Variants in GPR39 observed in about 807,000 individuals in gnomAD.
GPR39 encodes G protein-coupled receptor 39, also known as zinc sensing receptor.
Under a neutral mutation model 18.4 loss-of-function variants are expected in GPR39, and 23 were observed. The ratio of observed to expected loss-of-function variants is 1.25; its 90% CI spans 0.90 to 1.77. The LOEUF (loss-of-function observed/expected upper bound fraction) is 1.77, where lower values mean the gene tolerates loss of function less well. Ranked by LOEUF, GPR39 falls within the 40% of genes most tolerant of loss-of-function variation. The pLI is 0.00. For synonymous variants in GPR39, 280 were observed against 257.9 expected (o/e 1.09, Z -0.82); for missense variants, 647 against 602.4 (o/e 1.07, Z -0.78).
At chr2:132,611,233 G>A (rs1210406699) in intron 1 of GPR39, among the ~76,000 whole-genome samples, 12 of 152,296 alleles carry the variant, frequency 7.9e-5, no homozygotes, top group East Asian at 3.9e-4. Flanking sequence ...ACTGTCTGAC[G>A]TTTCTTTGCT....
At chr2:132,637,710 A>G (rs1191836459) in intron 1 of GPR39, among the ~76,000 whole-genome samples, 1 of 152,214 alleles carries the variant, frequency 6.6e-6, no homozygotes, top group Non-Finnish European at 1.5e-5. Context: ...GTCAGAGGAC[A>G]TGGTACCTGG....
At chr2:132,456,778 C>T (rs1251373518) in intron 1 of GPR39, among the ~76,000 whole-genome samples, 1 of 152,152 alleles carries the variant, frequency 6.6e-6, no homozygotes, top group Non-Finnish European at 1.5e-5. Flanking sequence ...GTTGAAAATT[C>T]TTTTCTTTAA....
At chr2:132,632,823 T>C (rs1681674895) in intron 1 of GPR39, among the ~76,000 whole-genome samples, 1 of 152,190 alleles carries the variant, frequency 6.6e-6, no homozygotes, top group Admixed American at 6.5e-5. Context: ...GGGCAGATGA[T>C]TGGATTGTCT....
intron 1 of GPR39, among the ~76,000 whole-genome samples, chr2:132,429,342 GA>G (rs1680184444): frequency 6.6e-6 from 1 of 152,226 alleles, no homozygotes. Flanking sequence ...CAGTGTCAGG[GA>G]GGCAAGAAAT....
intron 1 of GPR39, among the ~76,000 whole-genome samples, chr2:132,574,964 C>G (rs1680504564): frequency 6.6e-6 from 1 of 152,086 alleles, no homozygotes. Context: ...CTGAAAGCAC[C>G]CATTATTACC....
intron 1 of GPR39, among the ~76,000 whole-genome samples, chr2:132,596,257 A>G (rs1277132569): frequency 2.0e-5 from 3 of 152,022 alleles, no homozygotes; most frequent in Non-Finnish European, 4.4e-5. Flanking sequence ...CAATTGCATT[A>G]GTTTTTGCTC....
chr2:132,472,743 A>G (rs1298316207), intron 1 of GPR39, among the ~76,000 whole-genome samples: 1 of 152,142 alleles, frequency 6.6e-6, no homozygotes, highest in Non-Finnish European at 1.5e-5. Flanking sequence ...CTTTAATCAT[A>G]TAATGGATTG....
rs1679915754 is a variant in GPR39 at position 132,417,098 on chromosome 2, A to G, written c.56A>G (p.His19Arg). 2 of 1,614,160 alleles carry G rather than the reference A, an allele frequency of 1.2e-6. No homozygotes were observed. The highest frequency in any genetic ancestry group is 8.5e-7 in the Non-Finnish European group (1 of 1,180,036). The change falls in exon 1 of 2, where the codon CAT becomes CGT. Residue 19 changes from histidine to arginine, a missense_variant. Coordinates refer to ENST00000329321, the MANE Select transcript of GPR39 (RefSeq NM_001508.3). Reference sequence around the variant, plus strand: ...TGCTCCCAAATCATTGATCACAGTCATGTCCCCGAGTTTGAGGTGGCCACC... The same window carrying G: ...TGCTCCCAAATCATTGATCACAGTCGTGTCCCCGAGTTTGAGGTGGCCACC... ...SDCSQIIDHS[H>R]VPEFEVATWI...
intron 1 of GPR39, among the ~76,000 whole-genome samples, chr2:132,481,219 G>GGA (rs1681227498): frequency 6.6e-6 from 1 of 152,208 alleles, no homozygotes; most frequent in Non-Finnish European, 1.5e-5. Flanking sequence ...GGGACCAGAG[G>GGA]TTTACAAATG....
chr2:132,615,137 G>A (rs1399063693), intron 1 of GPR39, among the ~76,000 whole-genome samples: 1 of 152,038 alleles, frequency 6.6e-6, no homozygotes, highest in South Asian at 2.1e-4. Context: ...CAGACACCAC[G>A]GATTTAATTG....
At chr2:132,539,656 T>C (rs116143895) in intron 1 of GPR39, among the ~76,000 whole-genome samples, 15 of 152,246 alleles carry the variant, frequency 9.9e-5, no homozygotes, top group Admixed American at 6.5e-4. Flanking sequence ...GGCCAGGAAT[T>C]TGGGGAGTGC....
chr2:132,545,539 C>T (rs1679931550), intron 1 of GPR39, among the ~76,000 whole-genome samples: 1 of 152,182 alleles, frequency 6.6e-6, no homozygotes, highest in Admixed American at 6.5e-5. Flanking sequence ...CAAACACTTA[C>T]TAATGCTAAG....
intron 1 of GPR39, among the ~76,000 whole-genome samples, chr2:132,489,837 A>G (rs921202585): frequency 6.6e-6 from 1 of 151,976 alleles, no homozygotes; most frequent in Admixed American, 6.6e-5. Flanking sequence ...TATTAAATTT[A>G]TGATCAATTT....
intron 1 of GPR39, among the ~76,000 whole-genome samples, chr2:132,542,401 ACT>A (rs1679876974): frequency 6.6e-6 from 1 of 152,104 alleles, no homozygotes; most frequent in Non-Finnish European, 1.5e-5. Context: ...CCTTGCACAA[ACT>A]CTTTAACTTC....
chr2:132,492,096 A>G (rs2104796042), intron 1 of GPR39, among the ~76,000 whole-genome samples: 1 of 150,186 alleles, frequency 6.7e-6, no homozygotes, highest in South Asian at 2.1e-4. Context: ...CCACATATAT[A>G]TATACATACC....
At chr2:132,631,803 G>T (rs1681653897) in intron 1 of GPR39, among the ~76,000 whole-genome samples, 1 of 151,646 alleles carries the variant, frequency 6.6e-6, no homozygotes, top group East Asian at 1.9e-4. Context: ...CAATTTAAAT[G>T]AAGTTTTTCT....
chr2:132,441,393 TTG>T (rs1553447797), intron 1 of GPR39, among the ~76,000 whole-genome samples: 56 of 18,854 alleles, frequency 3.0e-3, no homozygotes, highest in Non-Finnish European at 8.6e-3. Context: ...GCTTTTTTTT[TTG>T]TTGTTGTTGT....
chr2:132,553,011 C>T (rs991329245), intron 1 of GPR39, among the ~76,000 whole-genome samples: 9 of 151,404 alleles, frequency 5.9e-5, no homozygotes, highest in African/African-American at 2.2e-4. Context: ...CTGCAACCTC[C>T]ACCTCCCAGG....
chr2:132,584,365 T>G (rs1278097513), intron 1 of GPR39, among the ~76,000 whole-genome samples: 2 of 152,172 alleles, frequency 1.3e-5, no homozygotes, highest in Non-Finnish European at 1.5e-5. Flanking sequence ...ATTAGACAGA[T>G]GAGTGAACAC....
Sources: gnomAD v4.1 joint callset for allele counts (sites outside exome capture counted in the v4.1 genomes callset) on GRCh38, gnomAD v4.1.1 for gene constraint, MANE v1.5 for transcripts, NCBI Gene and HGNC (gene_info 2026-07-23, HGNC 2026-07-21) for gene names.